The following KLK9 variants were observed in gnomAD, a reference collection of about 807,000 sequenced individuals.
KLK9 encodes the protein kallikrein related peptidase 9, also known as kallikrein-9.
In KLK9, 26 loss-of-function variants were observed where a neutral mutation model predicts 23.3. That is an observed-to-expected ratio of 1.12 (90% confidence interval 0.82 to 1.55). KLK9 has a LOEUF of 1.55. Among genes scored for constraint, KLK9 ranks in the 40% most tolerant of loss-of-function variants. The probability of loss-of-function intolerance (pLI) is 0.00; values close to 1 mark genes in which losing one functional copy is unlikely to be tolerated. For synonymous variants in KLK9, 122 were observed against 128.5 expected, an observed-to-expected ratio of 0.95 and a Z score of 0.34; for missense variants, 346 against 333.7, an observed-to-expected ratio of 1.04 and a Z score of -0.29.
At chr19:51,008,337 CAAAAAAAAAAAAAAA>C (rs34275672) in intron 2 of KLK9, among the ~76,000 whole-genome samples, 1 of 71,732 alleles carries the variant, frequency 1.4e-5, no homozygotes, top group Non-Finnish European at 2.6e-5. Context: ...GACTCTGTCT[CAAAAAAAAAAAAAAA>C]AAAAAAAAAG....
At position 51,003,089 on chromosome 19, in the gene KLK9, G is replaced by A. The variant is rs781666041; in HGVS notation, c.*22C>T. 74 of 1,594,254 alleles carry A rather than the reference G, an allele frequency of 4.6e-5. No individual in the cohort carries two copies. In the South Asian group the frequency reaches 7.7e-4, roughly 17 times the overall value. ...CCTTCGGCCTCTCTTGGTCTTCCAA[G>A]GTGCCCCCGTGGCGCGCGGGCTCAG... On this transcript the variant is annotated 3_prime_UTR_variant, in exon 5 of 5. Coordinates refer to ENST00000594211, the MANE Select transcript of KLK9 (RefSeq NM_012315.2).
rs1568559111 is a variant in KLK9 at position 51,006,577 on chromosome 19, CG to C, written c.346del (p.Arg116AlafsTer8). 6.2e-7 allele frequency: 1 copy of C among 1,613,226 alleles called. No individual in the cohort carries two copies. The highest frequency in any genetic ancestry group is 1.1e-5 in the South Asian group (1 of 91,064). On this transcript the variant is annotated frameshift_variant, in exon 3 of 5. Transcript: ENST00000594211. LOFTEE classifies it high-confidence loss of function. The surrounding 1 kb of genome is among the most constrained non-coding windows in gnomAD (Gnocchi z 4.1). ...NDHNDDIMLI[R>X]LPRQARLSPA... is the part of the protein sequence containing the mutation. ...ACTCAGACGTGCCTGCCTGGGCAGGCGGATCAGCATGATGTCATCATTGTGG... is the reference window on the plus strand; with the variant it reads ...ACTCAGACGTGCCTGCCTGGGCAGGCGATCAGCATGATGTCATCATTGTGG...
At position 51,002,996 on chromosome 19, in the gene KLK9, A is replaced by T. The variant is rs1220167777; in HGVS notation, c.*115T>A. 1.0e-5 allele frequency: 13 copies of T among 1,287,226 alleles called. No homozygotes were observed. The East Asian group carries it at 2.2e-4, about 22-fold the overall frequency. 79.7% of individuals were successfully genotyped at this position (1,287,226 alleles called of 1,614,324 possible). The stretch of plus-strand genomic sequence containing the variant: ...GAGTCTTAGTGTCCAGAGGGGAGTC[A>T]GGGCAGCTGGAGGTCCAGGGCGGGA... On this transcript the variant is annotated 3_prime_UTR_variant, in exon 5 of 5. Coordinates refer to ENST00000594211, the MANE Select transcript of KLK9 (RefSeq NM_012315.2).
chr19:51,003,092 GCC>G lies in KLK9; in HGVS notation c.*17_*18del. 1 of 1,596,426 alleles carries G rather than the reference GCC, an allele frequency of 6.3e-7. No individual in the cohort carries two copies. Among genetic ancestry groups the G allele is most frequent in the Non-Finnish European group, 8.6e-7 (1 of 1,169,394 alleles). On this transcript the variant is annotated 3_prime_UTR_variant, in exon 5 of 5. Coordinates refer to ENST00000594211, the MANE Select transcript of KLK9 (RefSeq NM_012315.2). ...TCGGCCTCTCTTGGTCTTCCAAGGT[GCC>G]CCCGTGGCGCGCGGGCTCAGTTCTC...
At chr19:51,007,794 T>C (rs1187682384) in intron 2 of KLK9, among the ~76,000 whole-genome samples, 1 of 152,086 alleles carries the variant, frequency 6.6e-6, no homozygotes, top group African/African-American at 2.4e-5. Flanking sequence ...GGAGAGAGGA[T>C]TCCTGCATCA....
chr19:51,004,703 TA>T (rs35720453), intron 3 of KLK9, among the ~76,000 whole-genome samples: 1,775 of 126,068 alleles, frequency 0.014, 8 homozygotes, highest in Non-Finnish European at 0.02. Context: ...CTCAGTCTCT[TA>T]AAAAAAAAAA....
chr19:51,003,968 G>A (rs1226441830), intron 3 of KLK9, 128 bp from the exon 4 acceptor site: 3 of 689,918 alleles, frequency 4.3e-6, no homozygotes, highest in African/African-American at 3.6e-5. Context: ...CTCAAAGATA[G>A]AGACAAGAGA....
intron 2 of KLK9, among the ~76,000 whole-genome samples, chr19:51,007,274 GTC>G (rs1357746586): frequency 1.3e-5 from 2 of 151,904 alleles, no homozygotes; most frequent in African/African-American, 4.8e-5. Context: ...TTCAATGCAT[GTC>G]TTCCTGGTGT....
rs754141658 is a variant in KLK9, at chr19:51,006,532, T to C, written c.392A>G (p.Asn131Ser). The C allele has an allele frequency of 1.2e-6, 2 of 1,612,896 alleles. No individual in the cohort carries two copies. Among genetic ancestry groups the C allele is most frequent in the Admixed American group, 1.7e-5 (1 of 59,922 alleles). Residue 131 changes from asparagine (N) to serine (S), a missense_variant, in exon 3 of 5, where the codon AAC becomes AGC. By Grantham distance (46) the Asn-to-Ser change is conservative. Transcript: ENST00000594211. The surrounding 1 kb of genome is among the most constrained non-coding windows in gnomAD (Gnocchi z 4.1). The part of the protein sequence containing the change: ...ARLSPAVQPL[N>S]LSQTCVSPGM... ...TGGGGAGACACAGGTCTGGCTGAGG[T>C]TGAGGGGCTGCACAGCAGGACTCAG...
chr19:51,007,385 C>T (rs1028788262), intron 2 of KLK9, among the ~76,000 whole-genome samples: 2 of 151,898 alleles, frequency 1.3e-5, no homozygotes, highest in Admixed American at 1.3e-4. Context: ...AGTCCATTCC[C>T]CAGCCTCTGA....
rs747206849 is a variant in KLK9, at chr19:51,009,487, C to T, written c.43+18G>A. On this transcript the variant is annotated intron_variant, in intron 1 of 4. Coordinates refer to ENST00000594211, the MANE Select transcript of KLK9 (RefSeq NM_012315.2). This position sits in a 1 kb window ranked among gnomAD's most constrained non-coding sequence, Gnocchi z 4.8. Reference sequence around the variant, plus strand: ...CCTTAGTACAGCCGTGAAGGGGCAGCCAGCCTGGGAGCCTCACCTGCCAGC... The same window carrying T: ...CCTTAGTACAGCCGTGAAGGGGCAGTCAGCCTGGGAGCCTCACCTGCCAGC... 4.4e-6 allele frequency: 7 copies of T among 1,603,454 alleles called. No homozygotes were observed. The highest frequency in any genetic ancestry group is 6.0e-6 in the Non-Finnish European group (7 of 1,175,058).
chr19:51,007,554 C>T (rs775087467), intron 2 of KLK9, among the ~76,000 whole-genome samples: 6 of 151,870 alleles, frequency 4.0e-5, no homozygotes, highest in Non-Finnish European at 7.4e-5. Flanking sequence ...CCTTCCCCTG[C>T]CTCTCACTCT....
chr19:51,003,718 G>A lies in KLK9; in HGVS notation c.589C>T (p.Arg197Ter), dbSNP rs749240191. ...MLCAGLWEGG[R>*]GSCQGDSGGP... ...TAAGGTCTCACCTGGCAGGAACCTC[G>A]GCCCCCCTCCCACAGGCCCGCACAG... Residue 197 changes from arginine to a stop codon, truncating the protein, a stop_gained, in exon 4 of 5, where the codon CGA (arginine) becomes TGA (stop). Coordinates refer to ENST00000594211, the MANE Select transcript of KLK9 (RefSeq NM_012315.2). LOFTEE classifies it low-confidence loss of function (END_TRUNC). The A allele has an allele frequency of 1.9e-6, 3 of 1,611,428 alleles. No homozygotes were observed. Among genetic ancestry groups the A allele is most frequent in the African/African-American group, 2.7e-5 (2 of 74,644 alleles).
intron 4 of KLK9, 152 bp from the exon 5 acceptor site, chr19:51,003,412 G>C: frequency 1.1e-6 from 1 of 917,394 alleles, no homozygotes; most frequent in Non-Finnish European, 1.6e-6. Flanking sequence ...TCAGACCCAG[G>C]AGTAAAAGCT....
rs1030202461 is a variant in KLK9, at chr19:51,008,657, CA to C, written c.200+525del. The stretch of plus-strand genomic sequence containing the variant: ...AGATTTCAAAGGCTTAGTACCAAAA[CA>C]AAAGTAAACTGTATCGTTCATACGT... On this transcript the variant is annotated intron_variant, in intron 2 of 4. Transcript: ENST00000594211. Among the ~76,000 whole-genome samples the C allele has an allele frequency of 3.5e-4, 54 of 152,256 alleles. 1 individual carries two copies. The highest frequency in any genetic ancestry group is 9.9e-4 in the African/African-American group (41 of 41,560).
Position 51,009,311 on chromosome 19 carries a change from G to A in KLK9, c.72C>T (p.Ile24=), listed in dbSNP as rs543176018. Residue 24 remains isoleucine, a synonymous_variant, in exon 2 of 5, where the codon ATC becomes ATT. Coordinates refer to ENST00000594211, the MANE Select transcript of KLK9 (RefSeq NM_012315.2). The surrounding 1 kb of genome is among the most constrained non-coding windows in gnomAD (Gnocchi z 4.8). ...AGTTGGGGCGACATTCCTCGGCCCC[G>A]ATGGCACGGGTGTCTGCCCAGCCAT... The part of the protein sequence containing the change: ...AGHGWADTRA[I]GAEECRPNSQ... The A allele has an allele frequency of 1.6e-4, 253 of 1,592,640 alleles. 3 individuals are homozygous for A. In the South Asian group the frequency reaches 2.7e-3, roughly 17 times the overall value.
At chr19:51,003,457 T>C (rs907380013) in intron 4 of KLK9, among the ~76,000 whole-genome samples, 197 bp from the exon 5 acceptor site, 2 of 151,774 alleles carry the variant, frequency 1.3e-5, no homozygotes, top group African/African-American at 2.4e-5. Flanking sequence ...CCTAACCTCC[T>C]CCTCCCCGAG....
chr19:51,007,002 C>A (rs1366507800), intron 2 of KLK9, among the ~76,000 whole-genome samples: 1 of 151,894 alleles, frequency 6.6e-6, no homozygotes, highest in African/African-American at 2.4e-5. Flanking sequence ...AGTGAGCCAC[C>A]TTCCTCCCTA....
rs1302843446 is a variant in KLK9, at chr19:51,006,543, C to T, written c.381G>A (p.Val127=). 2 of 1,613,126 alleles carry T rather than the reference C, an allele frequency of 1.2e-6. No individual in the cohort carries two copies. Among genetic ancestry groups the T allele is most frequent in the South Asian group, 1.1e-5 (1 of 91,068 alleles). The change falls in exon 3 of 5, where the codon GTG becomes GTA. Residue 127 remains valine (V), a synonymous_variant. Transcript: ENST00000594211. The surrounding 1 kb of genome is among the most constrained non-coding windows in gnomAD (Gnocchi z 4.1). The part of the protein sequence containing the change: ...LPRQARLSPA[V]QPLNLSQTCV... ...AGGTCTGGCTGAGGTTGAGGGGCTG[C>T]ACAGCAGGACTCAGACGTGCCTGCC...
Sources: allele counts gnomAD v4.1 joint callset (sites outside exome capture counted in the v4.1 genomes callset), GRCh38; gene constraint gnomAD v4.1.1; non-coding constraint Gnocchi (gnomAD v3.1); transcripts MANE v1.5; gene names NCBI Gene and HGNC (gene_info 2026-07-23, HGNC 2026-07-21).